The following INPP4B variants were observed in gnomAD, a reference collection of about 807,000 sequenced individuals.
The protein encoded by INPP4B is inositol polyphosphate 4-phosphatase type II.
In INPP4B, 55 loss-of-function variants were observed where a neutral mutation model predicts 122.5. That is an observed-to-expected ratio of 0.45 (90% confidence interval 0.36 to 0.56). The LOEUF is 0.56. INPP4B is among the 20% of genes least tolerant of loss of function. The pLI, the probability that INPP4B is intolerant of heterozygous loss-of-function variation, is 0.00. For synonymous variants in INPP4B, 403 were observed against 388.7 expected, an observed-to-expected ratio of 1.04 and a Z score of -0.43; for missense variants, 1,000 against 1,097.7, an observed-to-expected ratio of 0.91 and a Z score of 1.26.
At chr4:142,593,504 T>C (rs766941519) in intron 2 of INPP4B, among the ~76,000 whole-genome samples, 1 of 152,164 alleles carries the variant, frequency 6.6e-6, no homozygotes, top group Non-Finnish European at 1.5e-5. Context: ...AATTTTCTCA[T>C]CTCACTTTCC....
intron 25 of INPP4B, among the ~76,000 whole-genome samples, chr4:142,035,943 A>T (rs1367779321): frequency 2.0e-5 from 3 of 151,966 alleles, no homozygotes; most frequent in Non-Finnish European, 4.4e-5. Context: ...AAATCTTTCA[A>T]CTTTCATTTT....
chr4:142,648,977 C>A (rs1473241812), intron 2 of INPP4B, among the ~76,000 whole-genome samples: 2 of 152,108 alleles, frequency 1.3e-5, no homozygotes, highest in Non-Finnish European at 2.9e-5. Flanking sequence ...GGTGGCTGCC[C>A]CTCTGGGACA....
chr4:142,346,769 T>G (rs183430942), intron 7 of INPP4B, among the ~76,000 whole-genome samples: 455 of 152,160 alleles, frequency 3.0e-3, no homozygotes, highest in Non-Finnish European at 5.3e-3. Flanking sequence ...TTGGTATAAA[T>G]CAGAATCTTT....
At chr4:142,731,185 T>C (rs551194047) in intron 1 of INPP4B, among the ~76,000 whole-genome samples, 3 of 152,186 alleles carry the variant, frequency 2.0e-5, no homozygotes, top group Admixed American at 2.0e-4. Context: ...CCTGTGTCCA[T>C]GGCCACATTA....
intron 3 of INPP4B, among the ~76,000 whole-genome samples, chr4:142,448,068 A>G (rs934156916): frequency 1.3e-5 from 2 of 152,120 alleles, no homozygotes; most frequent in Admixed American, 6.6e-5. Context: ...ATAATACAAT[A>G]GGGAAAGATA....
intron 2 of INPP4B, among the ~76,000 whole-genome samples, chr4:142,598,495 A>G (rs1739188798): frequency 6.6e-6 from 1 of 152,128 alleles, no homozygotes; most frequent in African/African-American, 2.4e-5. Flanking sequence ...GTCCCCATTG[A>G]CATTTCCCAT....
At chr4:142,455,870 T>C (rs1389853730) in intron 3 of INPP4B, among the ~76,000 whole-genome samples, 2 of 152,144 alleles carry the variant, frequency 1.3e-5, no homozygotes, top group African/African-American at 4.8e-5. Flanking sequence ...TGATATATCA[T>C]TGCAGTTTTG....
At chr4:142,455,360 TAA>T (rs1815168441) in intron 3 of INPP4B, among the ~76,000 whole-genome samples, 2 of 151,958 alleles carry the variant, frequency 1.3e-5, no homozygotes, top group African/African-American at 4.8e-5. Context: ...CCTCTAAGTC[TAA>T]GAGTTCAATT....
intron 14 of INPP4B, among the ~76,000 whole-genome samples, chr4:142,207,784 GA>G (rs1843170702): frequency 6.6e-6 from 1 of 152,112 alleles, no homozygotes; most frequent in East Asian, 1.9e-4. Flanking sequence ...AAAGCGAGAT[GA>G]AAAGACATTG....
chr4:142,769,225 T>C (rs1772633454), intron 1 of INPP4B, among the ~76,000 whole-genome samples: 1 of 152,120 alleles, frequency 6.6e-6, no homozygotes, highest in South Asian at 2.1e-4. Flanking sequence ...AATAGTGAGC[T>C]CATTTTGAAT....
At chr4:142,688,577 C>T (rs1759710140) in intron 2 of INPP4B, among the ~76,000 whole-genome samples, 1 of 152,154 alleles carries the variant, frequency 6.6e-6, no homozygotes, top group South Asian at 2.1e-4. Context: ...TCTGACCTAA[C>T]TGACTCCATC....
intron 25 of INPP4B, among the ~76,000 whole-genome samples, chr4:142,064,108 T>C (rs1424866067): frequency 6.6e-6 from 1 of 152,222 alleles, no homozygotes; most frequent in Non-Finnish European, 1.5e-5. Context: ...CTGTGTACTA[T>C]AATAATTCAA....
chr4:142,440,251 C>T (rs1473840772), intron 3 of INPP4B, among the ~76,000 whole-genome samples: 1 of 152,068 alleles, frequency 6.6e-6, no homozygotes. Flanking sequence ...TGAATAGTTA[C>T]AGTGGAATGT....
At chr4:142,696,834 T>G (rs1025617519) in intron 2 of INPP4B, among the ~76,000 whole-genome samples, 4 of 152,214 alleles carry the variant, frequency 2.6e-5, no homozygotes, top group Non-Finnish European at 4.4e-5. Flanking sequence ...ATTCTTTTAT[T>G]GTAAAATTAC....
chr4:142,177,161 T>G, intron 15 of INPP4B, among the ~76,000 whole-genome samples: 1 of 152,202 alleles, frequency 6.6e-6, no homozygotes, highest in African/African-American at 2.4e-5. Flanking sequence ...TGAAGTCTTT[T>G]TAACGATGAG....
chr4:142,530,524 G>C (rs2149981111), intron 2 of INPP4B, among the ~76,000 whole-genome samples: 1 of 145,156 alleles, frequency 6.9e-6, no homozygotes, highest in African/African-American at 2.6e-5. Context: ...TATATTAGGA[G>C]AGTGATATAC....
At chr4:142,837,363 T>C (rs539306050) in intron 1 of INPP4B, among the ~76,000 whole-genome samples, 1 of 152,134 alleles carries the variant, frequency 6.6e-6, no homozygotes, top group Non-Finnish European at 1.5e-5. Context: ...TCTTGTTACA[T>C]GGATATATTG....
intron 2 of INPP4B, among the ~76,000 whole-genome samples, chr4:142,486,744 T>C (rs1434864407): frequency 6.6e-6 from 1 of 152,196 alleles, no homozygotes; most frequent in Non-Finnish European, 1.5e-5. Flanking sequence ...ATATTTTAGC[T>C]CTTGCAATTT....
chr4:142,086,150 A>G lies in INPP4B; in HGVS notation c.2481T>C (p.Ala827=), dbSNP rs2152545570. 6.4e-7 allele frequency: 1 copy of G among 1,572,642 alleles called. No individual in the cohort carries two copies. The highest frequency in any genetic ancestry group is 8.8e-7 in the Non-Finnish European group (1 of 1,142,392). ...KRKNVEIMWL[A]ATICRKLNGI... is the part of the protein sequence containing the mutation. ...TTGACATGAGAGTGCTTACCGTTGC[A>G]GCCAGCCACATAATTTCTACATTCT... The change falls in exon 24 of 26, where the codon GCT becomes GCC. Residue 827 remains alanine, a synonymous_variant. Coordinates refer to ENST00000262992, the MANE Select transcript of INPP4B (RefSeq NM_001101669.3).
Sources: allele counts gnomAD v4.1 joint callset (sites outside exome capture counted in the v4.1 genomes callset), GRCh38; gene constraint gnomAD v4.1.1; transcripts MANE v1.5; gene names NCBI Gene and HGNC (gene_info 2026-07-23, HGNC 2026-07-21).